CMBL: variants seen among roughly 807,000 people sequenced by gnomAD.
CMBL encodes carboxymethylenebutenolidase homolog (Pseudomonas).
In CMBL, 17 loss-of-function variants were observed where a neutral mutation model predicts 28.7. The observed-to-expected ratio is 0.59, with a 90% CI of 0.41 to 0.89. The LOEUF is 0.89. CMBL is among the 40% of genes least tolerant of loss of function. CMBL has a pLI of 0.00. For synonymous variants in CMBL, 106 were observed against 101.6 expected (o/e 1.04, Z -0.26); for missense variants, 310 against 298.5 (o/e 1.04, Z -0.28).
At chr5:10,291,532 G>C (rs966800360) in intron 1 of CMBL, among the ~76,000 whole-genome samples, 10 of 151,788 alleles carry the variant, frequency 6.6e-5, no homozygotes, top group Non-Finnish European at 1.2e-4. Context: ...GTGGTGGTGG[G>C]CGCCTGTAGT....
chr5:10,290,699 C>G lies in CMBL; in HGVS notation c.64G>C (p.Gly22Arg), dbSNP rs1464039166. 1.2e-6 allele frequency: 2 copies of G among 1,614,070 alleles called. No individual in the cohort carries two copies. Among genetic ancestry groups the G allele is most frequent in the Admixed American group, 3.3e-5 (2 of 60,004 alleles). Residue 22 changes from glycine to arginine, a missense_variant, in exon 2 of 6, where the codon GGC (glycine) becomes CGC (arginine). Coordinates refer to ENST00000296658, the MANE Select transcript of CMBL (RefSeq NM_138809.4). ...ATGTGCTCGACTTGAACTTCACGGC[C>G]TAGCCCTCCATACTCAAGTCTGTGG... is the stretch of plus-strand genomic sequence containing the variant. The part of the protein sequence containing the change: ...IGHRLEYGGL[G>R]REVQVEHIKA...
At position 10,287,714 on chromosome 5, in the gene CMBL, A is replaced by ATT. The variant is rs1306619143; in HGVS notation, c.323+706_323+707dup. ...TTATTTTAAAATTTTTAATTAATTA[A>ATT]TTTCTTTTTTTTTTGAGATGGAGTC... On this transcript the variant is annotated intron_variant, in intron 3 of 5. Coordinates refer to ENST00000296658, the MANE Select transcript of CMBL (RefSeq NM_138809.4). Among the ~76,000 whole-genome samples, 1,385 of 151,036 alleles carry ATT rather than the reference A, an allele frequency of 9.2e-3. 29 individuals are homozygous for ATT. The highest frequency in any genetic ancestry group is 0.032 in the African/African-American group (1,290 of 40,852).
chr5:10,296,079 A>G (rs1579475828), intron 1 of CMBL, among the ~76,000 whole-genome samples: 1 of 152,280 alleles, frequency 6.6e-6, no homozygotes, highest in African/African-American at 2.4e-5. Context: ...TGAGTCAACA[A>G]TATATATTAG....
intron 1 of CMBL, among the ~76,000 whole-genome samples, chr5:10,298,931 G>C (rs1027818752): frequency 5.9e-5 from 9 of 152,084 alleles, no homozygotes; most frequent in African/African-American, 1.9e-4. Flanking sequence ...AGCTCCATGT[G>C]GGGTAGGGTG....
intron 1 of CMBL, among the ~76,000 whole-genome samples, chr5:10,301,107 A>C (rs182517720): frequency 1.9e-3 from 291 of 152,052 alleles, no homozygotes; most frequent in African/African-American, 6.4e-3. Context: ...AAAAATGGAG[A>C]TCGTGGGCTT....
chr5:10,292,739 G>A (rs1746748370), intron 1 of CMBL, among the ~76,000 whole-genome samples: 1 of 150,382 alleles, frequency 6.6e-6, no homozygotes, highest in South Asian at 2.1e-4. Flanking sequence ...CAGGAGAATC[G>A]CTCGAACTCG....
At chr5:10,290,363 A>T in intron 2 of CMBL, 185 bp downstream of exon 2, 1 of 606,056 alleles carries the variant, frequency 1.7e-6, no homozygotes, top group Non-Finnish European at 2.9e-6. Context: ...GGTTAGGAGC[A>T]CCAGGTGGGT....
intron 1 of CMBL, among the ~76,000 whole-genome samples, chr5:10,300,711 G>C (rs1746884059): frequency 6.6e-6 from 1 of 151,776 alleles, no homozygotes; most frequent in South Asian, 2.1e-4. Context: ...CTGAAAGGAG[G>C]ATCACTTGAA....
intron 3 of CMBL, among the ~76,000 whole-genome samples, chr5:10,287,797 G>A (rs554963014): frequency 2.6e-5 from 4 of 151,616 alleles, no homozygotes; most frequent in African/African-American, 4.8e-5. Flanking sequence ...TGCAATCTCC[G>A]TCTCCCAGGT....
At chr5:10,296,040 A>G (rs1047598553) in intron 1 of CMBL, among the ~76,000 whole-genome samples, 6 of 152,234 alleles carry the variant, frequency 3.9e-5, no homozygotes, top group Non-Finnish European at 7.3e-5. Flanking sequence ...CACGAGTTAC[A>G]GTCCTGTTGG....
chr5:10,291,477 A>G (rs1746715681), intron 1 of CMBL, among the ~76,000 whole-genome samples: 2 of 152,028 alleles, frequency 1.3e-5, no homozygotes, highest in Admixed American at 1.3e-4. Context: ...CCTGGCTAAC[A>G]CGGTGAAACC....
intron 4 of CMBL, among the ~76,000 whole-genome samples, chr5:10,284,282 C>T (rs1746557709): frequency 6.6e-6 from 1 of 152,256 alleles, no homozygotes; most frequent in Non-Finnish European, 1.5e-5. Flanking sequence ...CCAGAGGCAG[C>T]TGGCCACTGC....
intron 4 of CMBL, among the ~76,000 whole-genome samples, chr5:10,285,506 T>C (rs1746582988): frequency 6.6e-6 from 1 of 151,996 alleles, no homozygotes; most frequent in Non-Finnish European, 1.5e-5. Context: ...CTATGTTGCT[T>C]AGGCTGGTCT....
intron 1 of CMBL, among the ~76,000 whole-genome samples, chr5:10,304,959 CT>C (rs1435453228): frequency 1.3e-5 from 2 of 152,196 alleles, no homozygotes; most frequent in Admixed American, 1.3e-4. Context: ...CACTGAGGCA[CT>C]TTTTACAAAT....
At chr5:10,287,013 G>A (rs534613624) in intron 3 of CMBL, among the ~76,000 whole-genome samples, 10 of 152,224 alleles carry the variant, frequency 6.6e-5, no homozygotes, top group East Asian at 5.8e-4. Flanking sequence ...TGCATTGCTC[G>A]TCTCCTCCCC....
At position 10,288,313 on chromosome 5, in the gene CMBL, G is replaced by A. The variant is rs993287797; in HGVS notation, c.323+109C>T. The A allele has an allele frequency of 5.0e-6, 4 of 797,298 alleles. No homozygotes were observed. In the African/African-American group the frequency reaches 6.9e-5, roughly 14 times the overall value. 49.4% of individuals were successfully genotyped at this position (797,298 alleles called of 1,614,324 possible). On this transcript the variant is annotated intron_variant, in intron 3 of 5. Coordinates refer to ENST00000296658, the MANE Select transcript of CMBL (RefSeq NM_138809.4). ...CCAGGGGAAGGATTCCATTGGCCAT[G>A]GAGAAGTCCTACCCCAAGGTAAGGA...
chr5:10,291,951 G>A (rs895804792), intron 1 of CMBL: 1 of 152,218 alleles, frequency 6.6e-6, no homozygotes, highest in South Asian at 2.1e-4. Flanking sequence ...GGAATTTACA[G>A]TGGGAATGGG....
intron 1 of CMBL, among the ~76,000 whole-genome samples, chr5:10,304,999 G>A (rs543195125): frequency 1.5e-4 from 23 of 152,310 alleles, no homozygotes; most frequent in African/African-American, 5.5e-4. Context: ...GAGTAAGAAG[G>A]TTTCCTTTTC....
In CMBL at chr5:10,289,752, T is replaced by C. The variant is rs114232916; in HGVS notation, c.215+796A>G. On this transcript the variant is annotated intron_variant, in intron 2 of 5. Coordinates refer to ENST00000296658, the MANE Select transcript of CMBL (RefSeq NM_138809.4). The surrounding 1 kb of genome is among the most constrained non-coding windows in gnomAD (Gnocchi z 4.3). ...GAAAACTTCAAGGAAGGTCTTTTCA[T>C]TCAGCACCGACTCTGCATCCCACCA... Among the ~76,000 whole-genome samples the C allele has an allele frequency of 0.015, 2,269 of 152,310 alleles. 63 individuals carry two copies. The highest frequency in any genetic ancestry group is 0.05 in the African/African-American group (2,082 of 41,564).
Sources: gnomAD v4.1 joint callset for allele counts (sites outside exome capture counted in the v4.1 genomes callset) on GRCh38, gnomAD v4.1.1 for gene constraint, Gnocchi (gnomAD v3.1) non-coding constraint, MANE v1.5 for transcripts, NCBI Gene and HGNC (gene_info 2026-07-23, HGNC 2026-07-21) for gene names.